ITGB6: variants seen among roughly 807,000 people sequenced by gnomAD.
The protein encoded by ITGB6 is integrin beta-6.
ITGB6 carries 80 observed loss-of-function variants against 84.5 expected under a neutral mutation model. That is an observed-to-expected ratio of 0.95 (90% confidence interval 0.79 to 1.14). The LOEUF (loss-of-function observed/expected upper bound fraction) is 1.14, where lower values mean the gene tolerates loss of function less well. Among genes scored for constraint, ITGB6 ranks in the 50% most tolerant of loss-of-function variants. The pLI is 0.00. For synonymous variants in ITGB6, 383 were observed against 354.9 expected (o/e 1.08, Z -0.89); for missense variants, 1,006 against 968.0 (o/e 1.04, Z -0.52).
intron 7 of ITGB6, among the ~76,000 whole-genome samples, chr2:160,149,792 A>G (rs1276454696): frequency 6.6e-6 from 1 of 152,224 alleles, no homozygotes; most frequent in Non-Finnish European, 1.5e-5. Flanking sequence ...ACCATGGCAC[A>G]AGAACTTCGT....
chr2:160,155,615 T>A (rs1218137799), intron 7 of ITGB6, among the ~76,000 whole-genome samples: 4 of 152,162 alleles, frequency 2.6e-5, no homozygotes. Flanking sequence ...AACCTAAAAC[T>A]GCTTGAAAAA....
In ITGB6 at chr2:160,137,700, G is replaced by T; in HGVS notation, c.1394C>A (p.Ser465Tyr). The stretch of plus-strand genomic sequence containing the variant: ...AGAGCCGTTCCCGTGGTGACATTTG[G>T]AGCTGTTCACTTCCACTTCTTTCTG... Reference protein sequence around the residue: ...DCQKEVEVNSSKCHHGNGSFQ... With the variant: ...DCQKEVEVNSYKCHHGNGSFQ... The change falls in exon 10 of 15, where the codon TCC becomes TAC. Residue 465 changes from serine to tyrosine, a missense_variant. By Grantham distance (144) the Ser-to-Tyr change is moderately radical. Coordinates refer to ENST00000283249, the MANE Select transcript of ITGB6 (RefSeq NM_000888.5). The T allele has an allele frequency of 6.2e-7, 1 of 1,614,176 alleles. No homozygotes were observed. The highest frequency in any genetic ancestry group is 8.5e-7 in the Non-Finnish European group (1 of 1,180,034).
intron 12 of ITGB6, among the ~76,000 whole-genome samples, chr2:160,118,056 T>G (rs1424859432): frequency 6.6e-6 from 1 of 152,088 alleles, no homozygotes; most frequent in Non-Finnish European, 1.5e-5. Flanking sequence ...CAGGACCAGA[T>G]GGATTCACAG....
intron 12 of ITGB6, among the ~76,000 whole-genome samples, chr2:160,122,091 A>T (rs1416957705): frequency 6.6e-6 from 1 of 152,140 alleles, no homozygotes; most frequent in Non-Finnish European, 1.5e-5. Flanking sequence ...ACACAGTCTG[A>T]ATTAAAAACA....
Position 160,133,857 on chromosome 2 carries a change from C to T in ITGB6, c.1660+3577G>A, listed in dbSNP as rs985005751. ...ACATAAAGGTGTTCTTTGAAACCAA[C>T]GAGAACAAAGACACAACATACCAGA... On this transcript the variant is annotated intron_variant, in intron 10 of 14. Transcript: ENST00000283249. 6.6e-5 allele frequency among the ~76,000 whole-genome samples: 10 copies of T among 152,002 alleles called. 1 individual carries two copies. The highest frequency in any genetic ancestry group is 6.3e-3 in the Middle Eastern group (2 of 316).
chr2:160,151,751 A>C (rs1413911308), intron 7 of ITGB6, among the ~76,000 whole-genome samples: 1 of 152,220 alleles, frequency 6.6e-6, no homozygotes, highest in Non-Finnish European at 1.5e-5. Flanking sequence ...GCAACAAAAA[A>C]TGATAAACGG....
At chr2:160,199,353 C>T in intron 1 of ITGB6, 95 bp from the exon 2 acceptor site, 4 of 902,880 alleles carry the variant, frequency 4.4e-6, no homozygotes, top group Non-Finnish European at 7.2e-6. Context: ...AACAAAACAA[C>T]ATCAAAGTTT....
At chr2:160,102,938 C>A (rs1341703363) in intron 14 of ITGB6, among the ~76,000 whole-genome samples, 1 of 152,068 alleles carries the variant, frequency 6.6e-6, no homozygotes, top group African/African-American at 2.4e-5. Flanking sequence ...ATAAATGCTG[C>A]CTCTTCTCAT....
chr2:160,131,508 C>G (rs1251996346), intron 10 of ITGB6, among the ~76,000 whole-genome samples: 3 of 152,164 alleles, frequency 2.0e-5, no homozygotes, highest in Non-Finnish European at 4.4e-5. Flanking sequence ...AGCAGAGTGT[C>G]TATTCCAATG....
chr2:160,127,703 A>T (rs1010706325), intron 10 of ITGB6, among the ~76,000 whole-genome samples: 1 of 152,248 alleles, frequency 6.6e-6, no homozygotes, highest in Admixed American at 6.5e-5. Context: ...ATTATATGAA[A>T]TAGAATTTGT....
chr2:160,138,054 C>T lies in ITGB6; in HGVS notation c.1242+11G>A. ...GTATTTATTCAGACTATCTACTGGCCAGCTACTTACTGTGTCTCCCACTTT... is the reference window on the plus strand; with the variant it reads ...GTATTTATTCAGACTATCTACTGGCTAGCTACTTACTGTGTCTCCCACTTT... On this transcript the variant is annotated intron_variant, in intron 9 of 14. Coordinates refer to ENST00000283249, the MANE Select transcript of ITGB6 (RefSeq NM_000888.5). 6.2e-7 allele frequency: 1 copy of T among 1,608,400 alleles called. No homozygotes were observed.
At chr2:160,107,905 G>A (rs1418588149) in intron 13 of ITGB6, 60 bp from the exon 14 acceptor site, 7 of 1,395,514 alleles carry the variant, frequency 5.0e-6, no homozygotes, top group South Asian at 2.7e-5. Flanking sequence ...CATCGGAAAG[G>A]CATTTCTTGT....
At chr2:160,195,131 C>G (rs1184900817) in intron 4 of ITGB6, among the ~76,000 whole-genome samples, 1 of 152,168 alleles carries the variant, frequency 6.6e-6, no homozygotes, top group Non-Finnish European at 1.5e-5. Flanking sequence ...TTTGCCACAT[C>G]CTGCCCTATA....
At chr2:160,154,581 AAAAG>A (rs921088892) in intron 7 of ITGB6, among the ~76,000 whole-genome samples, 9 of 152,294 alleles carry the variant, frequency 5.9e-5, no homozygotes, top group Non-Finnish European at 1.0e-4. Context: ...TTAAAGTATA[AAAAG>A]AAAGAGTTGA....
At chr2:160,153,646 C>A (rs13414434) in intron 7 of ITGB6, among the ~76,000 whole-genome samples, 10 of 151,922 alleles carry the variant, frequency 6.6e-5, no homozygotes, top group African/African-American at 2.4e-4. Flanking sequence ...TCAGAGTGAA[C>A]AGGCAACCTA....
rs963889766 is a variant in ITGB6 at position 160,102,584 on chromosome 2, A to C, written c.2269-750T>G. ...TGGCTTTGCCTTGGGGGCAGTGGGA[A>C]GGTTGGGTGTGGGACTCTTGGGTAG... is the stretch of plus-strand genomic sequence containing the variant. On this transcript the variant is annotated intron_variant, in intron 14 of 14. Coordinates refer to ENST00000283249, the MANE Select transcript of ITGB6 (RefSeq NM_000888.5). 3.9e-5 allele frequency among the ~76,000 whole-genome samples: 6 copies of C among 152,296 alleles called. No homozygotes were observed. In the East Asian group the frequency reaches 1.2e-3, roughly 29 times the overall value.
At chr2:160,109,822 G>A (rs1697056167) in intron 13 of ITGB6, among the ~76,000 whole-genome samples, 1 of 152,166 alleles carries the variant, frequency 6.6e-6, no homozygotes, top group Non-Finnish European at 1.5e-5. Context: ...AGCTCAATGT[G>A]CATATTGAGT....
Position 160,112,080 on chromosome 2 carries a change from C to A in ITGB6, c.2101G>T (p.Asp701Tyr). The change falls in exon 13 of 15, where the codon GAT (aspartate) becomes TAT (tyrosine). Residue 701 changes from aspartate (D) to tyrosine (Y), a missense_variant and splice_region_variant. By Grantham distance (160) the Asp-to-Tyr change is radical. Transcript: ENST00000283249. The stretch of plus-strand genomic sequence containing the variant: ...CGGCAATGGAAGGCAAAACACCCAC[C>A]TTTTTCATTGATGCTGTGAATGATG... ...KTIIHSINEKDCPKPPNIPMI... is the reference protein window; with the variant it reads ...KTIIHSINEKYCPKPPNIPMI... 1 of 1,611,680 alleles carries A rather than the reference C, an allele frequency of 6.2e-7. No homozygotes were observed.
At chr2:160,113,591 C>T (rs1682626054) in intron 12 of ITGB6, among the ~76,000 whole-genome samples, 1 of 152,136 alleles carries the variant, frequency 6.6e-6, no homozygotes, top group East Asian at 1.9e-4. Flanking sequence ...TAGTCATTGC[C>T]AAATGATTAT....
Sources: gnomAD v4.1 joint callset for allele counts (sites outside exome capture counted in the v4.1 genomes callset) on GRCh38, gnomAD v4.1.1 for gene constraint, MANE v1.5 for transcripts, NCBI Gene and HGNC (gene_info 2026-07-23, HGNC 2026-07-21) for gene names.